The following KIF2A variants were observed in gnomAD, a reference collection of about 807,000 sequenced individuals.
KIF2A encodes the protein kinesin-like protein KIF2A.
KIF2A carries 22 observed loss-of-function variants against 100.2 expected under a neutral mutation model. That is an observed-to-expected ratio of 0.22 (90% CI 0.16 to 0.31). The LOEUF is 0.31. Among genes scored for constraint, KIF2A ranks in the 10% least tolerant of loss-of-function variants. The probability of loss-of-function intolerance (pLI) is 1.00; values close to 1 mark genes in which losing one functional copy is unlikely to be tolerated. For synonymous variants in KIF2A, 268 were observed against 285.9 expected, an observed-to-expected ratio of 0.94 and a Z score of 0.63; for missense variants, 495 against 898.7, an observed-to-expected ratio of 0.55 and a Z score of 5.74.
At chr5:62,318,249 A>G (rs1745925526) in intron 1 of KIF2A, among the ~76,000 whole-genome samples, 1 of 152,006 alleles carries the variant, frequency 6.6e-6, no homozygotes, top group Non-Finnish European at 1.5e-5. Flanking sequence ...CGCCCAGCTA[A>G]TTTTTGTATT....
chr5:62,376,681 A>C (rs1014578681), intron 18 of KIF2A, among the ~76,000 whole-genome samples: 4 of 152,004 alleles, frequency 2.6e-5, no homozygotes, highest in Non-Finnish European at 5.9e-5. Flanking sequence ...TCAGCCTCCC[A>C]GAGGGCTAGG....
chr5:62,321,881 A>C (rs1486787447), intron 1 of KIF2A, among the ~76,000 whole-genome samples: 1 of 151,992 alleles, frequency 6.6e-6, no homozygotes, highest in Non-Finnish European at 1.5e-5. Context: ...TTTTTGGAGA[A>C]AGATCTGTTC....
chr5:62,315,004 C>A (rs1242569651), intron 1 of KIF2A, among the ~76,000 whole-genome samples: 2 of 151,784 alleles, frequency 1.3e-5, no homozygotes, highest in Non-Finnish European at 2.9e-5. Flanking sequence ...CTCAAGTGAT[C>A]CACCTGCCTC....
intron 1 of KIF2A, chr5:62,308,637 C>A: frequency 1.5e-6 from 1 of 682,826 alleles, no homozygotes. Context: ...CATAGATGGA[C>A]CTGAAGGACG....
At chr5:62,351,920 G>A (rs752811577) in intron 4 of KIF2A, among the ~76,000 whole-genome samples, 3 of 152,118 alleles carry the variant, frequency 2.0e-5, no homozygotes, top group Non-Finnish European at 2.9e-5. Context: ...CTGGGAGGCC[G>A]AGGTGGGTGG....
chr5:62,324,051 TAAATA>T (rs200493997), intron 1 of KIF2A, among the ~76,000 whole-genome samples: 6,596 of 151,746 alleles, frequency 0.043, 449 homozygotes, highest in African/African-American at 0.15. Context: ...ATAAAATAAA[TAAATA>T]AATAATTTTT....
At chr5:62,308,654 T>G in intron 1 of KIF2A, 2 of 675,464 alleles carry the variant, frequency 3.0e-6, no homozygotes, top group Admixed American at 2.1e-5. Flanking sequence ...GACGTTATGT[T>G]AAATGAGATA....
intron 5 of KIF2A, 77 bp downstream of exon 5, chr5:62,352,787 C>A: frequency 2.5e-6 from 3 of 1,195,524 alleles, no homozygotes; most frequent in East Asian, 2.6e-5. Flanking sequence ...TTTAAGTCCT[C>A]AAAGAGTAAA....
chr5:62,373,600 G>T (rs1308526334), intron 17 of KIF2A, 87 bp from the exon 18 acceptor site: 1 of 915,136 alleles, frequency 1.1e-6, no homozygotes, highest in Non-Finnish European at 1.7e-6. Context: ...TATGTTAACT[G>T]AATTGCGTGT....
intron 12 of KIF2A, among the ~76,000 whole-genome samples, 195 bp from the exon 13 acceptor site, chr5:62,362,983 T>C (rs1195987550): frequency 6.6e-6 from 1 of 152,152 alleles, no homozygotes; most frequent in Non-Finnish European, 1.5e-5. Flanking sequence ...TGCACCACCA[T>C]GCCCAGCTAA....
chr5:62,321,920 A>G (rs1039694003), intron 1 of KIF2A, among the ~76,000 whole-genome samples: 2 of 151,632 alleles, frequency 1.3e-5, no homozygotes, highest in South Asian at 2.1e-4. Context: ...ATAATTTGGT[A>G]TGTTTTCTCT....
At chr5:62,351,883 G>A (rs1003600085) in intron 4 of KIF2A, among the ~76,000 whole-genome samples, 1 of 152,130 alleles carries the variant, frequency 6.6e-6, no homozygotes, top group African/African-American at 2.4e-5. Flanking sequence ...GCCGGGTGTG[G>A]TGGCTCACGC....
intron 1 of KIF2A, among the ~76,000 whole-genome samples, chr5:62,341,381 G>C (rs1486296534): frequency 6.6e-6 from 1 of 151,852 alleles, no homozygotes; most frequent in African/African-American, 2.4e-5. Flanking sequence ...GCTCACTGCA[G>C]CCTTGACCTC....
In KIF2A at chr5:62,385,223, A is replaced by G. The variant is rs531056004; in HGVS notation, c.2150-261A>G. Among the ~76,000 whole-genome samples, 3 of 152,344 alleles carry G rather than the reference A, an allele frequency of 2.0e-5. No homozygotes were observed. The East Asian group carries it at 5.8e-4, about 29-fold the overall frequency. On this transcript the variant is annotated intron_variant, in intron 20 of 20. Coordinates refer to ENST00000407818, the MANE Select transcript of KIF2A (RefSeq NM_001098511.3). The stretch of plus-strand genomic sequence containing the variant: ...GAGGAATTCCAATAAATTAAAACAG[A>G]GAACTGTAAATGTGCCAAACAGAAC...
At chr5:62,363,152 T>G in intron 12 of KIF2A, 26 bp from the exon 13 acceptor site, 1 of 1,567,890 alleles carries the variant, frequency 6.4e-7, no homozygotes, top group Non-Finnish European at 8.7e-7. Context: ...AAGCTAGTTT[T>G]CTAATTTGAA....
chr5:62,383,356 C>T (rs1741873361), intron 20 of KIF2A, among the ~76,000 whole-genome samples: 1 of 149,928 alleles, frequency 6.7e-6, no homozygotes, highest in Admixed American at 6.7e-5. Flanking sequence ...CATTCTCCTG[C>T]CTCAGCCTCT....
intron 18 of KIF2A, among the ~76,000 whole-genome samples, chr5:62,374,322 A>C (rs1741447198): frequency 6.6e-6 from 1 of 152,162 alleles, no homozygotes; most frequent in Admixed American, 6.5e-5. Flanking sequence ...TATTCTCTTA[A>C]GTGTTGTCTG....
intron 1 of KIF2A, chr5:62,308,513 T>G (rs1441442880): frequency 1.4e-6 from 1 of 709,022 alleles, no homozygotes; most frequent in Non-Finnish European, 2.6e-6. Context: ...CATCGATGGG[T>G]GAGGAATGGC....
At chr5:62,354,736 AT>A (rs1488081227) in intron 6 of KIF2A, among the ~76,000 whole-genome samples, 1 of 152,204 alleles carries the variant, frequency 6.6e-6, no homozygotes, top group African/African-American at 2.4e-5. Flanking sequence ...ACTGGATTAA[AT>A]TAGAAGATGA....
Sources: allele counts gnomAD v4.1 joint callset (sites outside exome capture counted in the v4.1 genomes callset), GRCh38; gene constraint gnomAD v4.1.1; transcripts MANE v1.5; gene names NCBI Gene and HGNC (gene_info 2026-07-23, HGNC 2026-07-21).